Variants in KLHDC4 observed in about 807,000 individuals in gnomAD.
KLHDC4 encodes kelch domain-containing protein 4.
Under a neutral mutation model 62.4 loss-of-function variants are expected in KLHDC4, and 90 were observed. The observed-to-expected ratio is 1.44, with a 90% CI of 1.22 to 1.72. The LOEUF (loss-of-function observed/expected upper bound fraction) is 1.72. Among genes scored for constraint, KLHDC4 ranks in the 40% most tolerant of loss-of-function variants. The probability of loss-of-function intolerance (pLI) is 0.00; values close to 1 mark genes in which losing one functional copy is unlikely to be tolerated. For synonymous variants in KLHDC4, 386 were observed against 284.4 expected (o/e 1.36, Z -3.59); for missense variants, 1,025 against 699.7 (o/e 1.47, Z -5.25).
intron 11 of KLHDC4, 29 bp downstream of exon 11, chr16:87,708,321 G>C: frequency 6.9e-7 from 1 of 1,438,932 alleles, no homozygotes; most frequent in South Asian, 1.2e-5. Context: ...CCCAGCAGCC[G>C]CGCCACCCGC....
intron 5 of KLHDC4, among the ~76,000 whole-genome samples, chr16:87,744,465 C>T (rs1232209066): frequency 6.6e-6 from 1 of 151,320 alleles, no homozygotes; most frequent in Non-Finnish European, 1.5e-5. Context: ...CACCTGTAAT[C>T]CCAGCTACTC....
chr16:87,707,837 A>C lies in KLHDC4; in HGVS notation c.*240T>G. On this transcript the variant is annotated 3_prime_UTR_variant, in exon 12 of 12. Transcript: ENST00000270583. ...TCTTGTTTCAAGTCCAATTTATTTC[A>C]CACAACACACAGGCTGCTGAGGGAA... is the stretch of plus-strand genomic sequence containing the variant. The C allele has an allele frequency of 2.5e-6, 1 of 403,868 alleles. No homozygotes were observed. The highest frequency in any genetic ancestry group is 5.1e-6 in the Non-Finnish European group (1 of 197,574). The allele number at this position is 403,868 out of a possible 1,614,324, so 25.0% of individuals were successfully genotyped here. A position where few individuals can be genotyped will look rare whatever the true frequency, so the allele number is the denominator to read the frequency against.
intron 1 of KLHDC4, chr16:87,764,985 T>C: frequency 2.6e-6 from 1 of 379,862 alleles, no homozygotes; most frequent in Non-Finnish European, 5.3e-6. Context: ...GGACATCTGG[T>C]CACATCCCAG....
chr16:87,747,537 A>C (rs995328380), intron 5 of KLHDC4: 1 of 152,224 alleles, frequency 6.6e-6, no homozygotes, highest in Non-Finnish European at 1.5e-5. Flanking sequence ...AAGGGACGGA[A>C]AAGCCTGGGA....
chr16:87,754,353 A>G (rs1411479565), intron 4 of KLHDC4, among the ~76,000 whole-genome samples: 1 of 152,178 alleles, frequency 6.6e-6, no homozygotes, highest in Non-Finnish European at 1.5e-5. Context: ...CTCAACAACA[A>G]CAACAACAAA....
chr16:87,755,443 C>A, intron 3 of KLHDC4, 151 bp from the exon 4 acceptor site: 1 of 486,940 alleles, frequency 2.1e-6, no homozygotes, highest in Non-Finnish European at 3.8e-6. Flanking sequence ...GCTGGGTCCC[C>A]GGGGCCATTG....
At chr16:87,742,999 A>G (rs770955109) in intron 5 of KLHDC4, 3 of 152,466 alleles carry the variant, frequency 2.0e-5, no homozygotes, top group African/African-American at 7.2e-5. Context: ...CTGCACAGGC[A>G]TCACGCCAAG....
intron 4 of KLHDC4, among the ~76,000 whole-genome samples, chr16:87,754,929 G>T (rs143010433): frequency 6.6e-6 from 1 of 152,258 alleles, no homozygotes; most frequent in East Asian, 1.9e-4. Context: ...TCTGCCAGTG[G>T]CTGCGACACA....
At chr16:87,713,590 C>A (rs1047603597) in intron 8 of KLHDC4, among the ~76,000 whole-genome samples, 1 of 152,070 alleles carries the variant, frequency 6.6e-6, no homozygotes, top group East Asian at 1.9e-4. Context: ...CACACAGGCA[C>A]GGCTTCTTCC....
intron 5 of KLHDC4, among the ~76,000 whole-genome samples, chr16:87,738,638 T>C (rs570942069): frequency 1.0e-4 from 12 of 117,074 alleles, no homozygotes; most frequent in Admixed American, 1.9e-4. Flanking sequence ...CACCAGCATC[T>C]CATCCATCCA....
chr16:87,717,710 G>C (rs957607534), intron 7 of KLHDC4, among the ~76,000 whole-genome samples: 6 of 152,216 alleles, frequency 3.9e-5, no homozygotes, highest in Non-Finnish European at 7.3e-5. Context: ...ATTGTGAACT[G>C]AATTGACACC....
At chr16:87,758,775 T>C (rs1767845733) in intron 2 of KLHDC4, among the ~76,000 whole-genome samples, 1 of 152,230 alleles carries the variant, frequency 6.6e-6, no homozygotes, top group African/African-American at 2.4e-5. Context: ...AAGGTTGGTC[T>C]AGAGTTTCTA....
chr16:87,711,759 A>G (rs1033547615), intron 8 of KLHDC4, among the ~76,000 whole-genome samples: 1 of 151,368 alleles, frequency 6.6e-6, no homozygotes, highest in Admixed American at 6.6e-5. Context: ...AGACACACAG[A>G]GGGGCTTCTG....
At chr16:87,716,747 C>T (rs367732373) in intron 7 of KLHDC4, among the ~76,000 whole-genome samples, 1 of 151,960 alleles carries the variant, frequency 6.6e-6, no homozygotes, top group Non-Finnish European at 1.5e-5. Context: ...CTGGCTAACA[C>T]GATGAAACCC....
At chr16:87,764,450 G>A (rs1254857549) in intron 1 of KLHDC4, among the ~76,000 whole-genome samples, 3 of 152,058 alleles carry the variant, frequency 2.0e-5, no homozygotes, top group South Asian at 4.1e-4. Flanking sequence ...AGGAGTCCCA[G>A]ACCAGCCTGA....
intron 5 of KLHDC4, among the ~76,000 whole-genome samples, chr16:87,738,364 C>G (rs1400203006): frequency 6.6e-6 from 1 of 151,960 alleles, no homozygotes; most frequent in East Asian, 1.9e-4. Flanking sequence ...CGTGCACACA[C>G]ACACACACAC....
chr16:87,706,152 A>G (rs1357718946), downstream of KLHDC4, among the ~76,000 whole-genome samples: 2 of 113,424 alleles, frequency 1.8e-5, no homozygotes, highest in Admixed American at 1.0e-4. Flanking sequence ...CGGGGGGGTC[A>G]GCGTAATGCA....
chr16:87,705,071 G>A (rs1436739818), downstream of KLHDC4, among the ~76,000 whole-genome samples: 18 of 152,074 alleles, frequency 1.2e-4, no homozygotes, highest in Admixed American at 1.2e-3. Context: ...GGGGTCTGGG[G>A]GCCGTGTGGG....
exon 1 of KLHDC4, chr16:87,701,909 A>C (rs775591188): frequency 1.1e-5 from 5 of 456,262 alleles, no homozygotes; most frequent in South Asian, 6.2e-5. Flanking sequence ...TCTGCTGTGC[A>C]CGTGCTCCCT....
Sources: gnomAD v4.1 joint callset for allele counts (sites outside exome capture counted in the v4.1 genomes callset) on GRCh38, gnomAD v4.1.1 for gene constraint, MANE v1.5 for transcripts, NCBI Gene and HGNC (gene_info 2026-07-23, HGNC 2026-07-21) for gene names.